The following TLL1 variants were observed in gnomAD, a reference collection of about 807,000 sequenced individuals.
The protein encoded by TLL1 is tolloid-like protein 1.
TLL1 carries 49 observed loss-of-function variants against 128.2 expected under a neutral mutation model. That is an observed-to-expected ratio of 0.38 (90% confidence interval 0.30 to 0.48). The LOEUF (loss-of-function observed/expected upper bound fraction) is 0.48, where lower values mean the gene tolerates loss of function less well. Ranked by LOEUF, TLL1 falls within the 20% of genes least tolerant of loss-of-function variation. The pLI is 0.96. For missense variants in TLL1, 1,123 were observed against 1,242.0 expected, an observed-to-expected ratio of 0.90 and a Z score of 1.44; for synonymous variants, 454 against 418.8, an observed-to-expected ratio of 1.08 and a Z score of -1.03.
chr4:166,013,500 A>T (rs1012912458), intron 7 of TLL1, among the ~76,000 whole-genome samples: 11 of 151,712 alleles, frequency 7.3e-5, no homozygotes, highest in African/African-American at 2.7e-4. Context: ...AAAAGATATT[A>T]TAAAATTTTA....
At chr4:166,085,050 G>T (rs1741444715) in intron 18 of TLL1, among the ~76,000 whole-genome samples, 1 of 151,828 alleles carries the variant, frequency 6.6e-6, no homozygotes, top group African/African-American at 2.4e-5. Flanking sequence ...GTTGTAAATG[G>T]TATTGTTTTA....
chr4:166,056,019 A>G (rs771371319), intron 13 of TLL1, among the ~76,000 whole-genome samples: 2 of 152,086 alleles, frequency 1.3e-5, no homozygotes, highest in African/African-American at 2.4e-5. Flanking sequence ...CAAAACTTAG[A>G]GTGATAGATA....
intron 1 of TLL1, among the ~76,000 whole-genome samples, chr4:165,939,968 T>G (rs915569985): frequency 1.1e-4 from 17 of 152,058 alleles, no homozygotes; most frequent in Non-Finnish European, 2.1e-4. Context: ...TACTCTCTTT[T>G]AAATCTTGCA....
chr4:165,982,044 T>C (rs1217979938), intron 1 of TLL1, among the ~76,000 whole-genome samples: 1 of 152,058 alleles, frequency 6.6e-6, no homozygotes, highest in African/African-American at 2.4e-5. Context: ...CTGTTATCAG[T>C]GCTAACAGAC....
At chr4:165,874,987 G>A (rs1240786689) in intron 1 of TLL1, 2 of 152,444 alleles carry the variant, frequency 1.3e-5, no homozygotes, top group East Asian at 1.9e-4. Flanking sequence ...CGGGCTTCGG[G>A]AGCTCCTGGT....
intron 1 of TLL1, among the ~76,000 whole-genome samples, chr4:165,894,349 G>A (rs958624369): frequency 6.6e-5 from 10 of 152,108 alleles, no homozygotes; most frequent in Admixed American, 1.3e-4. Flanking sequence ...ATACAGAGGA[G>A]TTACTCATGG....
At chr4:165,876,061 A>G (rs1284302513) in intron 1 of TLL1, among the ~76,000 whole-genome samples, 2 of 152,232 alleles carry the variant, frequency 1.3e-5, no homozygotes, top group Admixed American at 6.5e-5. Context: ...GAGAAGAGGC[A>G]TACCAGTGCA....
chr4:166,017,795 T>G (rs1298242352), intron 8 of TLL1, among the ~76,000 whole-genome samples: 1 of 152,168 alleles, frequency 6.6e-6, no homozygotes, highest in African/African-American at 2.4e-5. Context: ...AATAGTTAGC[T>G]TTGAGCCCTA....
chr4:166,052,778 G>A (rs1739805416), intron 12 of TLL1, among the ~76,000 whole-genome samples: 1 of 151,540 alleles, frequency 6.6e-6, no homozygotes. Flanking sequence ...CCAAGACTTT[G>A]GTTATTTTGT....
chr4:166,093,115 C>T (rs889016784), intron 19 of TLL1, among the ~76,000 whole-genome samples: 8 of 152,096 alleles, frequency 5.3e-5, no homozygotes, highest in Non-Finnish European at 1.0e-4. Flanking sequence ...TCAGGTGGGA[C>T]GAGAGACTGA....
intron 9 of TLL1, among the ~76,000 whole-genome samples, chr4:166,036,827 G>A (rs1739026128): frequency 1.4e-5 from 2 of 147,660 alleles, no homozygotes; most frequent in African/African-American, 5.0e-5. Context: ...GTGTGTGTGT[G>A]TGTTTCAAGA....
In TLL1 at chr4:166,043,315, C is replaced by T. The variant is rs762591575; in HGVS notation, c.1420C>T (p.Gln474Ter). 1 of 1,614,146 alleles carries T rather than the reference C, an allele frequency of 6.2e-7. No individual in the cohort carries two copies. The highest frequency in any genetic ancestry group is 8.5e-7 in the Non-Finnish European group (1 of 1,179,996). Reference sequence around the variant, plus strand: ...GATACGTAAAAATGAAGGACAGATTCAGTCTCCCAATTATCCTGATGACTA... The same window carrying T: ...GATACGTAAAAATGAAGGACAGATTTAGTCTCCCAATTATCCTGATGACTA... ...GEIRKNEGQIQSPNYPDDYRP... is the reference protein window; with the variant it reads ...GEIRKNEGQI The change falls in exon 12 of 21, where the codon CAG becomes TAG. Residue 474 changes from glutamine to a stop codon, truncating the protein, a stop_gained. Coordinates refer to ENST00000061240, the MANE Select transcript of TLL1 (RefSeq NM_012464.5). LOFTEE classifies it high-confidence loss of function.
At chr4:165,954,638 A>G (rs1407941793) in intron 1 of TLL1, among the ~76,000 whole-genome samples, 7 of 152,094 alleles carry the variant, frequency 4.6e-5, no homozygotes, top group African/African-American at 4.8e-5. Flanking sequence ...CAGAAAATGC[A>G]CACATTGCAT....
chr4:165,990,108 G>C (rs1397791894), intron 2 of TLL1, among the ~76,000 whole-genome samples: 1 of 151,814 alleles, frequency 6.6e-6, no homozygotes, highest in Non-Finnish European at 1.5e-5. Context: ...TTTGAATTAT[G>C]CCTGTAAGAA....
At chr4:166,089,499 G>T (rs1323165734) in intron 18 of TLL1, among the ~76,000 whole-genome samples, 1 of 152,102 alleles carries the variant, frequency 6.6e-6, no homozygotes, top group Non-Finnish European at 1.5e-5. Flanking sequence ...CCTACGCAAT[G>T]TGTGTACTCC....
rs780122164 is a variant in TLL1 at position 166,055,107 on chromosome 4, A to T, written c.1556A>T (p.Tyr519Phe). The change falls in exon 13 of 21, where the codon TAC becomes TTC. Residue 519 changes from tyrosine to phenylalanine, a missense_variant. Tyr to Phe is a conservative substitution (Grantham distance 22). Around this residue, in one of 3 missense-constraint regions of TLL1, gnomAD observed 634 missense variants for 672.4 expected, o/e 0.94. Coordinates refer to ENST00000061240, the MANE Select transcript of TLL1 (RefSeq NM_012464.5). ...AGACATGACAATTGTGCTTATGACT[A>T]CCTGGAAGTTAGAGATGGAACCAGT... ...IERHDNCAYD[Y>F]LEVRDGTSEN... The T allele has an allele frequency of 5.6e-6, 9 of 1,612,376 alleles. No individual in the cohort carries two copies. Among genetic ancestry groups the T allele is most frequent in the Non-Finnish European group, 5.9e-6 (7 of 1,179,494 alleles).
chr4:166,023,366 C>T (rs1324676693), intron 8 of TLL1, among the ~76,000 whole-genome samples: 2 of 152,140 alleles, frequency 1.3e-5, no homozygotes, highest in African/African-American at 4.8e-5. Flanking sequence ...AGCCACTGCA[C>T]TCCAGCCTGG....
chr4:166,070,029 T>C (rs995213187), intron 16 of TLL1, among the ~76,000 whole-genome samples: 1 of 151,820 alleles, frequency 6.6e-6, no homozygotes. Context: ...TTTCAGGTAA[T>C]TGAGAATATA....
intron 1 of TLL1, among the ~76,000 whole-genome samples, chr4:165,907,929 A>G (rs1167638663): frequency 6.6e-6 from 1 of 152,206 alleles, no homozygotes; most frequent in African/African-American, 2.4e-5. Context: ...GATAAAAAGT[A>G]TTACAAATGT....
Sources: allele counts gnomAD v4.1 joint callset (sites outside exome capture counted in the v4.1 genomes callset), GRCh38; gene constraint gnomAD v4.1.1; regional missense constraint gnomAD v4.1.1; transcripts MANE v1.5; gene names NCBI Gene and HGNC (gene_info 2026-07-23, HGNC 2026-07-21).